Variants in CFHR5 observed in about 807,000 individuals in gnomAD.
CFHR5 encodes complement factor H-related protein 5.
CFHR5 carries 73 observed loss-of-function variants against 62.9 expected under a neutral mutation model. The observed-to-expected ratio is 1.16, with a 90% CI of 0.96 to 1.41. The LOEUF is 1.41. Ranked by LOEUF, CFHR5 falls within the 40% of genes most tolerant of loss-of-function variation. CFHR5 has a pLI of 0.00. For missense variants in CFHR5, 779 were observed against 679.9 expected, an observed-to-expected ratio of 1.15 and a Z score of -1.62; for synonymous variants, 249 against 227.2, an observed-to-expected ratio of 1.10 and a Z score of -0.86.
intron 9 of CFHR5, among the ~76,000 whole-genome samples, chr1:197,007,710 C>T (rs1397781705): frequency 1.4e-5 from 2 of 145,982 alleles, no homozygotes; most frequent in Admixed American, 6.9e-5. Flanking sequence ...TATATGTATA[C>T]TTATATACAC....
chr1:196,999,007 T>C (rs1278220869), intron 7 of CFHR5, among the ~76,000 whole-genome samples: 1 of 151,936 alleles, frequency 6.6e-6, no homozygotes, highest in Non-Finnish European at 1.5e-5. Flanking sequence ...TCATTCTATG[T>C]ACCAATATAA....
intron 3 of CFHR5, among the ~76,000 whole-genome samples, chr1:196,990,645 G>A (rs1304287190): frequency 4.6e-5 from 7 of 152,094 alleles, no homozygotes; most frequent in African/African-American, 9.7e-5. Context: ...AGTTTGGCTG[G>A]ATATGAGATT....
At chr1:196,982,157 A>T (rs1254176558) in intron 1 of CFHR5, among the ~76,000 whole-genome samples, 1 of 152,130 alleles carries the variant, frequency 6.6e-6, no homozygotes, top group Non-Finnish European at 1.5e-5. Context: ...TTCTGGTGGA[A>T]ATACCTATGA....
chr1:196,999,827 G>T (rs182502608), intron 7 of CFHR5, among the ~76,000 whole-genome samples: 1 of 146,110 alleles, frequency 6.8e-6, no homozygotes, highest in Non-Finnish European at 1.5e-5. Context: ...GTGTGTGTGT[G>T]TATATATATA....
chr1:196,982,779 A>C, intron 1 of CFHR5, 106 bp from the exon 2 acceptor site: 1 of 1,014,280 alleles, frequency 9.9e-7, no homozygotes. Flanking sequence ...AAGGCATTTA[A>C]GCTGAATGAA....
At chr1:197,005,277 A>G (rs1242193186) in intron 9 of CFHR5, among the ~76,000 whole-genome samples, 2 of 152,204 alleles carry the variant, frequency 1.3e-5, no homozygotes, top group African/African-American at 4.8e-5. Flanking sequence ...GTTGACTAAT[A>G]CTGACATGGC....
intron 8 of CFHR5, among the ~76,000 whole-genome samples, chr1:197,003,926 G>T (rs947135966): frequency 2.0e-5 from 3 of 152,158 alleles, no homozygotes; most frequent in Admixed American, 2.0e-4. Context: ...TCTTTTACAA[G>T]TTTAAAGGTG....
In CFHR5 at chr1:196,998,268, A is replaced by G. The variant is rs1248118536; in HGVS notation, c.1111A>G (p.Ile371Val). Residue 371 changes from isoleucine (I) to valine (V), a missense_variant, in exon 7 of 10, where the codon ATA (isoleucine) becomes GTA (valine). Ile to Val is a conservative substitution (Grantham distance 29). Coordinates refer to ENST00000256785, the MANE Select transcript of CFHR5 (RefSeq NM_030787.4). ...DIFRYRHSVC[I>V]NGKWNPEVDC... Reference sequence around the variant, plus strand: ...CTTCAGATACAGGCACTCAGTCTGTATAAACGGGAAATGGAATCCTGAAGT... The same window carrying G: ...CTTCAGATACAGGCACTCAGTCTGTGTAAACGGGAAATGGAATCCTGAAGT... 3.1e-6 allele frequency: 5 copies of G among 1,611,684 alleles called. No homozygotes were observed. The highest frequency in any genetic ancestry group is 4.2e-6 in the Non-Finnish European group (5 of 1,178,628).
chr1:196,996,214 T>G lies in CFHR5; in HGVS notation c.970+13T>G, dbSNP rs1364485762. On this transcript the variant is annotated intron_variant, in intron 6 of 9. Coordinates refer to ENST00000256785, the MANE Select transcript of CFHR5 (RefSeq NM_030787.4). ...CCTATGTGTGTTGGTGAGAAAACAT[T>G]CCTAAACTTTATATTTGATTATTTA... 5.1e-6 allele frequency: 8 copies of G among 1,573,518 alleles called. No homozygotes were observed. Among genetic ancestry groups the G allele is most frequent in the Non-Finnish European group, 6.1e-6 (7 of 1,143,452 alleles).
chr1:196,994,188 T>C lies in CFHR5; in HGVS notation c.539T>C (p.Ile180Thr). 1 of 1,613,662 alleles carries C rather than the reference T, an allele frequency of 6.2e-7. No individual in the cohort carries two copies. Residue 180 changes from isoleucine (I) to threonine (T), a missense_variant, in exon 4 of 10, where the codon ATA becomes ACA. Ile to Thr is a moderately conservative substitution (Grantham distance 89). Coordinates refer to ENST00000256785, the MANE Select transcript of CFHR5 (RefSeq NM_030787.4). ...VLKFSCRKNL[I>T]RVGSDSVQCY... ...AAATTCTCCTGCAGAAAAAATCTTA[T>C]AAGAGTTGGATCAGACTCAGTTCAA...
chr1:196,985,398 CT>C (rs1653656854), intron 3 of CFHR5, among the ~76,000 whole-genome samples: 1 of 151,768 alleles, frequency 6.6e-6, no homozygotes, highest in Admixed American at 6.6e-5. Flanking sequence ...GAAATGGAGT[CT>C]TTTTAAAACA....
rs1653588220 is a variant in CFHR5, at chr1:196,983,211, CT to C, written c.253+133del. On this transcript the variant is annotated intron_variant, in intron 2 of 9. Transcript: ENST00000256785. ...AGCTGGAAAAATGGGAGATGTAGTC[CT>C]CCTATTTTGAGACCCCTCCTATGAG... The C allele has an allele frequency of 2.5e-6, 3 of 1,195,446 alleles. No individual in the cohort carries two copies. The Admixed American group carries it at 5.7e-5, about 23-fold the overall frequency. 74.1% of individuals were successfully genotyped at this position (1,195,446 alleles called of 1,614,324 possible). A position where few individuals can be genotyped will look rare whatever the true frequency, so the allele number is the denominator to read the frequency against.
At chr1:196,978,522 TA>T (rs1236914500) in intron 1 of CFHR5, among the ~76,000 whole-genome samples, 2 of 152,198 alleles carry the variant, frequency 1.3e-5, no homozygotes, top group African/African-American at 4.8e-5. Flanking sequence ...TTTACTGCTT[TA>T]CTGCTTTCTA....
intron 1 of CFHR5, among the ~76,000 whole-genome samples, chr1:196,980,591 CGTGTGTGTGTGTGTGTGT>C (rs57437038): frequency 1.4e-5 from 2 of 145,440 alleles, no homozygotes; most frequent in East Asian, 2.0e-4. Context: ...TGTATATATA[CGTGTGTGTGTGTGTGTGT>C]GTGTGTGTGT....
In CFHR5 at chr1:196,995,787, A is replaced by C. The variant is rs755180330; in HGVS notation, c.678A>C (p.Glu226Asp). 15 of 1,612,824 alleles carry C rather than the reference A, an allele frequency of 9.3e-6. No homozygotes were observed. Among genetic ancestry groups the C allele is most frequent in the Non-Finnish European group, 1.2e-5 (14 of 1,178,948 alleles). Residue 226 changes from glutamate (E) to aspartate (D), a missense_variant, in exon 5 of 10, where the codon GAA (glutamate) becomes GAC (aspartate). Glu to Asp is a conservative substitution (Grantham distance 45). Coordinates refer to ENST00000256785, the MANE Select transcript of CFHR5 (RefSeq NM_030787.4). ...AAGTTAAGGAGATAAGAAAAGAGGA[A>C]TATGGACACAATGAAGTAGTGGAAT... ...NGEVKEIRKE[E>D]YGHNEVVEYD...
chr1:196,981,429 C>G (rs1467481100), intron 1 of CFHR5, among the ~76,000 whole-genome samples: 3 of 151,850 alleles, frequency 2.0e-5, no homozygotes, highest in Non-Finnish European at 4.4e-5. Flanking sequence ...TAGGAAATCT[C>G]TGTACCTTCC....
chr1:196,981,666 A>G (rs895291990), intron 1 of CFHR5, among the ~76,000 whole-genome samples: 2 of 151,966 alleles, frequency 1.3e-5, no homozygotes, highest in African/African-American at 2.4e-5. Flanking sequence ...AGTATCCTTA[A>G]GGAATTGTTC....
intron 1 of CFHR5, among the ~76,000 whole-genome samples, chr1:196,981,772 C>A (rs1653548874): frequency 6.6e-6 from 1 of 151,800 alleles, no homozygotes; most frequent in African/African-American, 2.4e-5. Flanking sequence ...ATATGCACAT[C>A]CTCTCATATA....
At position 196,999,683 on chromosome 1, in the gene CFHR5, GTATATATA is replaced by G. The variant is rs35191504; in HGVS notation, c.1147+1412_1147+1419del. 5.3e-3 allele frequency among the ~76,000 whole-genome samples: 582 copies of G among 110,634 alleles called. 12 individuals are homozygous for G. In the East Asian group the frequency reaches 0.055, roughly 10 times the overall value. 72.6% of individuals were successfully genotyped at this position (110,634 alleles called of 152,430 possible). A position where few individuals can be genotyped will look rare whatever the true frequency, so the allele number is the denominator to read the frequency against. On this transcript the variant is annotated intron_variant, in intron 7 of 9. Transcript: ENST00000256785. The stretch of plus-strand genomic sequence containing the variant: ...TTAAACTTATCTATTTTGGGAAAAA[GTATATATA>G]TATATATATATATATATATATATAT...
Sources: gnomAD v4.1 joint callset for allele counts (sites outside exome capture counted in the v4.1 genomes callset) on GRCh38, gnomAD v4.1.1 for gene constraint, MANE v1.5 for transcripts, NCBI Gene and HGNC (gene_info 2026-07-23, HGNC 2026-07-21) for gene names.